Variants in MBD5 observed in about 807,000 individuals in gnomAD.
MBD5 encodes the protein methyl-CpG binding domain protein 5, also known as methyl-CpG-binding domain protein 5.
MBD5 carries 13 observed loss-of-function variants against 117.3 expected under a neutral mutation model. That is an observed-to-expected ratio of 0.11 (90% confidence interval 0.07 to 0.18). MBD5 has a LOEUF of 0.18. Ranked by LOEUF, MBD5 falls within the 10% of genes least tolerant of loss-of-function variation. MBD5 has a pLI of 1.00. For synonymous variants in MBD5, 727 were observed against 766.4 expected (o/e 0.95, Z 0.85); for missense variants, 1,879 against 2,093.8 (o/e 0.90, Z 2.00).
At chr2:148,194,760 TAAGAA>T (rs370241727) in intron 2 of MBD5, among the ~76,000 whole-genome samples, 6,829 of 22,512 alleles carry the variant, frequency 0.3, no homozygotes, top group African/African-American at 0.33. Flanking sequence ...TAGAGTATAA[TAAGAA>T]AAAAAAAAAA....
intron 3 of MBD5, among the ~76,000 whole-genome samples, chr2:148,234,566 A>G (rs1700052605): frequency 6.6e-6 from 1 of 152,168 alleles, no homozygotes; most frequent in African/African-American, 2.4e-5. Flanking sequence ...TCACAATTAT[A>G]ACAATAGTAT....
intron 4 of MBD5, among the ~76,000 whole-genome samples, chr2:148,398,871 G>A (rs1359689906): frequency 2.0e-5 from 3 of 152,138 alleles, no homozygotes; most frequent in South Asian, 2.1e-4. Context: ...TTCTACATAT[G>A]GCTAGCCAGT....
At chr2:148,255,347 G>A in intron 3 of MBD5, among the ~76,000 whole-genome samples, 1 of 152,190 alleles carries the variant, frequency 6.6e-6, no homozygotes, top group East Asian at 1.9e-4. Context: ...CACACGGACA[G>A]TACATGTGTC....
chr2:148,161,369 T>C (rs1202434481), intron 1 of MBD5, among the ~76,000 whole-genome samples: 1 of 152,176 alleles, frequency 6.6e-6, no homozygotes, highest in African/African-American at 2.4e-5. Context: ...GGGATCTGGA[T>C]CTGAGCCCTC....
At chr2:148,394,554 T>G (rs1457414615) in intron 4 of MBD5, among the ~76,000 whole-genome samples, 1 of 151,556 alleles carries the variant, frequency 6.6e-6, no homozygotes, top group Non-Finnish European at 1.5e-5. Context: ...GGTTTTTTTT[T>G]TTTTTTCATT....
At chr2:148,081,119 G>A (rs1476827186) in intron 1 of MBD5, among the ~76,000 whole-genome samples, 2 of 152,286 alleles carry the variant, frequency 1.3e-5, no homozygotes, top group Non-Finnish European at 1.5e-5. Flanking sequence ...ACAGCTCAGA[G>A]TGTCAGGGTG....
At chr2:148,193,068 C>T (rs1199502460) in intron 2 of MBD5, among the ~76,000 whole-genome samples, 4 of 111,726 alleles carry the variant, frequency 3.6e-5, no homozygotes, top group Non-Finnish European at 7.6e-5. Flanking sequence ...TGAAGGACCT[C>T]TTCAAGGAGA....
chr2:148,122,039 A>G (rs1234982727), intron 1 of MBD5, among the ~76,000 whole-genome samples: 1 of 152,158 alleles, frequency 6.6e-6, no homozygotes, highest in Admixed American at 6.5e-5. Context: ...CATATGATTT[A>G]CTATCATCTG....
intron 3 of MBD5, among the ~76,000 whole-genome samples, chr2:148,261,057 A>C (rs1447200245): frequency 1.3e-5 from 2 of 152,210 alleles, no homozygotes; most frequent in Non-Finnish European, 2.9e-5. Context: ...AATAGTCAGC[A>C]AATCATGCTG....
chr2:148,334,728 T>C (rs1702742905), intron 3 of MBD5, among the ~76,000 whole-genome samples: 1 of 152,216 alleles, frequency 6.6e-6, no homozygotes, highest in Admixed American at 6.5e-5. Context: ...CAATCTACCA[T>C]CTTTATGAAT....
chr2:148,044,807 T>C (rs996903086), intron 1 of MBD5: 1 of 152,112 alleles, frequency 6.6e-6, no homozygotes, highest in Non-Finnish European at 1.5e-5. Context: ...TATAAAAATT[T>C]TTCATGTCTC....
chr2:148,229,403 A>G (rs1473932628), intron 2 of MBD5, among the ~76,000 whole-genome samples: 1 of 152,038 alleles, frequency 6.6e-6, no homozygotes, highest in Non-Finnish European at 1.5e-5. Context: ...TCTCTGTGTT[A>G]TCTTGAATTT....
chr2:148,211,661 G>A (rs1459694407), intron 2 of MBD5, among the ~76,000 whole-genome samples: 1 of 152,008 alleles, frequency 6.6e-6, no homozygotes, highest in African/African-American at 2.4e-5. Flanking sequence ...GCTATTCAAA[G>A]TCACAAACAA....
intron 1 of MBD5, among the ~76,000 whole-genome samples, chr2:148,098,686 CTGT>C (rs1696126620): frequency 6.6e-6 from 1 of 152,124 alleles, no homozygotes; most frequent in South Asian, 2.1e-4. Flanking sequence ...AGGTATTCTA[CTGT>C]TTCAGAAGTC....
At position 148,452,231 on chromosome 2, in the gene MBD5, C is replaced by T. The variant is rs189307395; in HGVS notation, c.-556-5972C>T. ...CACATTTAAGCCAAGCACGGTGGCT[C>T]GCACTTGTAATCCTAGCACTTTGGA... On this transcript the variant is annotated intron_variant, in intron 4 of 13. Transcript: ENST00000642680. Among the ~76,000 whole-genome samples, 5 of 152,250 alleles carry T rather than the reference C, an allele frequency of 3.3e-5. No homozygotes were observed. The South Asian group carries it at 8.3e-4, about 25-fold the overall frequency.
chr2:148,513,220 TAAGA>T lies in MBD5; in HGVS notation c.*282_*285del, dbSNP rs1682270662. ...TTTCTATAATACTAAATTGTGATTA[TAAGA>T]AATAGTCCAAATGTTTCTGAAGAAT... On this transcript the variant is annotated 3_prime_UTR_variant, in exon 14 of 14. Coordinates refer to ENST00000642680, the MANE Select transcript of MBD5 (RefSeq NM_001378120.1). 2.4e-6 allele frequency: 1 copy of T among 408,894 alleles called. No individual in the cohort carries two copies. The highest frequency in any genetic ancestry group is 2.0e-5 in the African/African-American group (1 of 49,858). 25.3% of individuals were successfully genotyped at this position (408,894 alleles called of 1,614,324 possible).
At chr2:148,274,095 T>C (rs1022116299) in intron 3 of MBD5, among the ~76,000 whole-genome samples, 1 of 152,174 alleles carries the variant, frequency 6.6e-6, no homozygotes, top group Non-Finnish European at 1.5e-5. Context: ...ATTCTTATTC[T>C]ACTAGTGCTT....
At chr2:148,324,258 G>C (rs897404487) in intron 3 of MBD5, among the ~76,000 whole-genome samples, 3 of 152,160 alleles carry the variant, frequency 2.0e-5, no homozygotes, top group Admixed American at 2.0e-4. Context: ...TTGTAGTATA[G>C]TTTGAAGTCA....
At chr2:148,502,726 C>T (rs1419519440) in intron 12 of MBD5, among the ~76,000 whole-genome samples, 1 of 152,154 alleles carries the variant, frequency 6.6e-6, no homozygotes, top group Non-Finnish European at 1.5e-5. Flanking sequence ...TAATATTTGC[C>T]TCTTCATCTG....
Sources: gnomAD v4.1 joint callset for allele counts (sites outside exome capture counted in the v4.1 genomes callset) on GRCh38, gnomAD v4.1.1 for gene constraint, MANE v1.5 for transcripts, NCBI Gene and HGNC (gene_info 2026-07-23, HGNC 2026-07-21) for gene names.